Variants in MYCBP2 observed in about 807,000 individuals in gnomAD.
MYCBP2 encodes the protein MYC binding protein 2.
Under a neutral mutation model 525.3 loss-of-function variants are expected in MYCBP2, and 120 were observed. The observed-to-expected ratio is 0.23, with a 90% confidence interval of 0.20 to 0.27. The LOEUF is 0.27. Among genes scored for constraint, MYCBP2 ranks in the 10% least tolerant of loss-of-function variants. The probability of loss-of-function intolerance (pLI) is 1.00; values close to 1 mark genes in which losing one functional copy is unlikely to be tolerated. For missense variants in MYCBP2, 4,149 were observed against 5,657.1 expected, an observed-to-expected ratio of 0.73 and a Z score of 8.55; for synonymous variants, 1,894 against 1,955.8, an observed-to-expected ratio of 0.97 and a Z score of 0.83.
chr13:77,205,539 C>G lies in MYCBP2; in HGVS notation c.3649G>C (p.Glu1217Gln). The G allele has an allele frequency of 6.2e-7, 1 of 1,613,598 alleles. No individual in the cohort carries two copies. Among genetic ancestry groups the G allele is most frequent in the South Asian group, 1.1e-5 (1 of 91,048 alleles). The change falls in exon 25 of 83, where the codon GAA (glutamate) becomes CAA (glutamine). Residue 1217 changes from glutamate to glutamine, a missense_variant. Around this residue, in one of 21 missense-constraint regions of MYCBP2, gnomAD observed 620 missense variants for 795.5 expected, o/e 0.78. Transcript: ENST00000544440. ...DLKMGVASTE[E>Q]ETQAVMKVYS... Reference sequence around the variant, plus strand: ...ACCTTCATTACTGCTTGAGTCTCTTCCTCTGTACTTGCAACACCCATTTTT... The same window carrying G: ...ACCTTCATTACTGCTTGAGTCTCTTGCTCTGTACTTGCAACACCCATTTTT...
At position 77,168,620 on chromosome 13, in the gene MYCBP2, G is replaced by C. The variant is rs762926412; in HGVS notation, c.5922C>G (p.Val1974=). ...TGGCAACTGACGGAAGCAATTGTTG[G>C]ACAAGGCCAAAGACTTCTACAGCCA... is the stretch of plus-strand genomic sequence containing the variant. ...PKVAVEVFGL[V]QQLLPSVAIL... is the part of the protein sequence containing the mutation. The change falls in exon 40 of 83, where the codon GTC becomes GTG. Residue 1974 remains valine (V), a synonymous_variant. Coordinates refer to ENST00000544440, the MANE Select transcript of MYCBP2 (RefSeq NM_015057.5). The C allele has an allele frequency of 1.9e-6, 3 of 1,614,120 alleles. No individual in the cohort carries two copies. Among genetic ancestry groups the C allele is most frequent in the Non-Finnish European group, 2.5e-6 (3 of 1,180,036 alleles).
intron 22 of MYCBP2, 37 bp from the exon 23 acceptor site, chr13:77,211,357 T>C (rs1045423537): frequency 2.8e-6 from 3 of 1,078,002 alleles, no homozygotes; most frequent in African/African-American, 3.3e-5. Flanking sequence ...TTTTAATATA[T>C]ATTACCCTTT....
At chr13:77,171,137 C>T (rs895151243) in intron 38 of MYCBP2, among the ~76,000 whole-genome samples, 1 of 151,944 alleles carries the variant, frequency 6.6e-6, no homozygotes, top group Non-Finnish European at 1.5e-5. Context: ...GTTAGGGTAC[C>T]CCAGAGTTTT....
chr13:77,198,011 C>T (rs1197195479), intron 26 of MYCBP2, among the ~76,000 whole-genome samples: 1 of 152,042 alleles, frequency 6.6e-6, no homozygotes, highest in African/African-American at 2.4e-5. Flanking sequence ...GTTCACTATT[C>T]CGAAAAGAAA....
At position 77,066,102 on chromosome 13, in the gene MYCBP2, T is replaced by A. The variant is rs373242870; in HGVS notation, c.12456-14A>T. 24 of 1,593,624 alleles carry A rather than the reference T, an allele frequency of 1.5e-5. No homozygotes were observed. In the East Asian group the frequency reaches 5.4e-4, roughly 36 times the overall value. ...CGTCGGAGATAACTACAAGAAAAAT[T>A]AGCACTTAAAAAGCCAATAAATTAT... On this transcript the variant is annotated splice_polypyrimidine_tract_variant and intron_variant, in intron 71 of 82. Transcript: ENST00000544440.
chr13:77,229,636 C>T (rs1412728378), intron 18 of MYCBP2, among the ~76,000 whole-genome samples: 1 of 152,118 alleles, frequency 6.6e-6, no homozygotes, highest in East Asian at 1.9e-4. Context: ...GCAAAGACTA[C>T]ACACATATAT....
At chr13:77,193,001 C>T (rs944901831) in intron 27 of MYCBP2, among the ~76,000 whole-genome samples, 2 of 151,914 alleles carry the variant, frequency 1.3e-5, no homozygotes, top group Non-Finnish European at 2.9e-5. Flanking sequence ...TGGTGGCATG[C>T]GACTGTAGTC....
In MYCBP2 at chr13:77,098,680, T is replaced by A. The variant is rs752112494; in HGVS notation, c.8474A>T (p.Lys2825Met). Residue 2825 changes from lysine (K) to methionine (M), a missense_variant, in exon 56 of 83, where the codon AAG (lysine) becomes ATG (methionine). Lys to Met is a moderately conservative substitution (Grantham distance 95). Transcript: ENST00000544440. ...PGSRLSSPKP[K>M]TLPANRSSPS... ...GCTAGACCTATTGGCTGGGAGAGTC[T>A]TTGGCTTAGGAGATGACAACCGAGA... 9.3e-6 allele frequency: 15 copies of A among 1,613,538 alleles called. No homozygotes were observed. The highest frequency in any genetic ancestry group is 1.7e-5 in the Admixed American group (1 of 59,902).
At chr13:77,250,326 C>G (rs766954382) in intron 15 of MYCBP2, among the ~76,000 whole-genome samples, 1 of 152,046 alleles carries the variant, frequency 6.6e-6, no homozygotes, top group Non-Finnish European at 1.5e-5. Flanking sequence ...AAATAAACTC[C>G]TATTAGATCC....
intron 44 of MYCBP2, among the ~76,000 whole-genome samples, chr13:77,159,357 C>T (rs1003919530): frequency 3.3e-5 from 5 of 151,452 alleles, no homozygotes; most frequent in African/African-American, 9.7e-5. Context: ...ACCTTACATG[C>T]CAAAAAGAGG....
At chr13:77,119,632 T>C (rs2050351225) in intron 55 of MYCBP2, among the ~76,000 whole-genome samples, 2 of 152,194 alleles carry the variant, frequency 1.3e-5, no homozygotes, top group East Asian at 1.9e-4. Flanking sequence ...TAAAGTTAGA[T>C]ATATTTCATC....
chr13:77,297,083 C>G (rs993279492), intron 1 of MYCBP2, among the ~76,000 whole-genome samples: 1 of 152,170 alleles, frequency 6.6e-6, no homozygotes, highest in East Asian at 1.9e-4. Context: ...CCACTTTTTA[C>G]TAAACTACTA....
At chr13:77,158,184 A>G (rs148374262) in intron 44 of MYCBP2, 75 bp from the exon 45 acceptor site, 15 of 915,422 alleles carry the variant, frequency 1.6e-5, no homozygotes, top group Non-Finnish European at 2.3e-5. Context: ...CAACATGCAG[A>G]TACTTTCAGA....
intron 17 of MYCBP2, among the ~76,000 whole-genome samples, chr13:77,235,128 C>T (rs1012158251): frequency 4.6e-5 from 7 of 151,850 alleles, no homozygotes; most frequent in African/African-American, 1.7e-4. Context: ...TTAGCAGACA[C>T]TAGGTGAAAT....
At chr13:77,182,259 T>C (rs2060283264) in intron 32 of MYCBP2, among the ~76,000 whole-genome samples, 1 of 152,142 alleles carries the variant, frequency 6.6e-6, no homozygotes, top group Admixed American at 6.5e-5. Flanking sequence ...CCAATTAGAA[T>C]GTATCTAAGG....
At chr13:77,321,438 C>T (rs992766214) in intron 1 of MYCBP2, among the ~76,000 whole-genome samples, 4 of 152,196 alleles carry the variant, frequency 2.6e-5, no homozygotes, top group East Asian at 1.9e-4. Context: ...GATTCAATCC[C>T]GCATTACTTC....
intron 43 of MYCBP2, among the ~76,000 whole-genome samples, chr13:77,162,554 G>T (rs1328947523): frequency 6.6e-6 from 1 of 152,184 alleles, no homozygotes; most frequent in Non-Finnish European, 1.5e-5. Context: ...CCAGTGCCGT[G>T]CTCCCTTAAA....
intron 58 of MYCBP2, 109 bp downstream of exon 58, chr13:77,095,249 T>G: frequency 7.4e-7 from 1 of 1,349,716 alleles, no homozygotes; most frequent in Non-Finnish European, 1.0e-6. Context: ...TTGTTTATAG[T>G]ACACAATAGC....
chr13:77,056,584 T>G (rs960580330), intron 79 of MYCBP2, among the ~76,000 whole-genome samples: 1 of 152,214 alleles, frequency 6.6e-6, no homozygotes, highest in South Asian at 2.1e-4. Context: ...TCTGTTCTAG[T>G]GGTACTGAGG....
Sources: gnomAD v4.1 joint callset for allele counts (sites outside exome capture counted in the v4.1 genomes callset) on GRCh38, gnomAD v4.1.1 for gene constraint, gnomAD v4.1.1 regional missense constraint, MANE v1.5 for transcripts, NCBI Gene and HGNC (gene_info 2026-07-23, HGNC 2026-07-21) for gene names.